Variants in DYNC2H1 observed in about 807,000 individuals in gnomAD.
The protein encoded by DYNC2H1 is cytoplasmic dynein 2 heavy chain 1.
Under a neutral mutation model 570.0 loss-of-function variants are expected in DYNC2H1, and 410 were observed. That is an observed-to-expected ratio of 0.72 (90% CI 0.66 to 0.78). The LOEUF is 0.78. Among genes scored for constraint, DYNC2H1 ranks in the 30% least tolerant of loss-of-function variants. The probability of loss-of-function intolerance (pLI) is 0.00; values close to 1 mark genes in which losing one functional copy is unlikely to be tolerated. For synonymous variants in DYNC2H1, 1,688 were observed against 1,677.6 expected (o/e 1.01, Z -0.15); for missense variants, 4,865 against 5,046.4 (o/e 0.96, Z 1.09).
intron 17 of DYNC2H1, among the ~76,000 whole-genome samples, chr11:103,140,169 A>T (rs374553424): frequency 6.6e-6 from 1 of 152,094 alleles, no homozygotes; most frequent in Non-Finnish European, 1.5e-5. Flanking sequence ...TCTTTATCCA[A>T]TTTGCCAGTC....
intron 46 of DYNC2H1, among the ~76,000 whole-genome samples, 200 bp from the exon 47 acceptor site, chr11:103,191,897 G>A (rs1862331050): frequency 6.6e-6 from 1 of 151,994 alleles, no homozygotes; most frequent in South Asian, 2.1e-4. Context: ...AGAGATGATA[G>A]TATTTAATGT....
chr11:103,290,012 G>C (rs1483895054), intron 75 of DYNC2H1, among the ~76,000 whole-genome samples: 2 of 151,816 alleles, frequency 1.3e-5, no homozygotes, highest in Non-Finnish European at 2.9e-5. Context: ...TCAACCACGA[G>C]AACCTAGGAA....
Position 103,177,610 on chromosome 11 carries a change from A to G in DYNC2H1, c.5929A>G (p.Ile1977Val), listed in dbSNP as rs780945161. 7 of 1,613,172 alleles carry G rather than the reference A, an allele frequency of 4.3e-6. No individual in the cohort carries two copies. The highest frequency in any genetic ancestry group is 5.9e-6 in the Non-Finnish European group (7 of 1,179,592). The change falls in exon 38 of 89, where the codon ATT (isoleucine) becomes GTT (valine). Residue 1977 changes from isoleucine to valine, a missense_variant. By Grantham distance (29) the Ile-to-Val change is conservative. Transcript: ENST00000375735. The surrounding 1 kb of genome is among the most constrained non-coding windows in gnomAD (Gnocchi z 4.4). Reference sequence around the variant, plus strand: ...GTTATGCCAGAGGATGGGAGTTGTTATTGTTGGTCCAAGTGGTGCTGGAAA... The same window carrying G: ...GTTATGCCAGAGGATGGGAGTTGTTGTTGTTGGTCCAAGTGGTGCTGGAAA... ...EQLCQRMGVV[I>V]VGPSGAGKST...
intron 50 of DYNC2H1, among the ~76,000 whole-genome samples, chr11:103,200,691 A>G (rs776398679): frequency 2.0e-5 from 3 of 152,224 alleles, no homozygotes; most frequent in Non-Finnish European, 2.9e-5. Context: ...GAAATTCCAC[A>G]TAATGCTACA....
chr11:103,203,591 A>G lies in DYNC2H1; in HGVS notation c.8198-72A>G. ...GGAAATAAAGATTGAATAAGAGCAG[A>G]TTTTTAAATACAAAAATTGAAAAAG... On this transcript the variant is annotated intron_variant, in intron 50 of 88. Transcript: ENST00000375735. The surrounding 1 kb of genome is among the most constrained non-coding windows in gnomAD (Gnocchi z 4.7). 1.0e-6 allele frequency: 1 copy of G among 1,001,122 alleles called. No individual in the cohort carries two copies. The allele number at this position is 1,001,122 out of a possible 1,614,324, so 62.0% of individuals were successfully genotyped here.
chr11:103,291,448 TA>T (rs1413879630), intron 75 of DYNC2H1, among the ~76,000 whole-genome samples: 2 of 151,990 alleles, frequency 1.3e-5, no homozygotes, highest in Non-Finnish European at 2.9e-5. Flanking sequence ...AATAAATAAA[TA>T]AATAAATAAA....
At chr11:103,295,794 C>T (rs1197099531) in intron 75 of DYNC2H1, among the ~76,000 whole-genome samples, 1 of 152,164 alleles carries the variant, frequency 6.6e-6, no homozygotes, top group African/African-American at 2.4e-5. Context: ...GCTTTCACAC[C>T]ACTGTAATCC....
At chr11:103,399,566 A>G (rs560502864) in intron 83 of DYNC2H1, 97 bp from the exon 84 acceptor site, 3 of 838,346 alleles carry the variant, frequency 3.6e-6, no homozygotes, top group Admixed American at 3.0e-5. Context: ...AGTTTTTAAA[A>G]CAGAATAGAA....
chr11:103,385,893 T>C (rs1363768487), intron 83 of DYNC2H1, among the ~76,000 whole-genome samples: 7 of 152,182 alleles, frequency 4.6e-5, no homozygotes, highest in Non-Finnish European at 2.9e-5. Flanking sequence ...TCTACTTGAA[T>C]AGGATAATTG....
chr11:103,477,975 A>G (rs986730784), intron 88 of DYNC2H1, among the ~76,000 whole-genome samples: 1 of 152,030 alleles, frequency 6.6e-6, no homozygotes, highest in African/African-American at 2.4e-5. Flanking sequence ...ATGAACTTGT[A>G]TAATAATACC....
chr11:103,187,560 A>G lies in DYNC2H1; in HGVS notation c.7114A>G (p.Ser2372Gly). The change falls in exon 43 of 89, where the codon AGT (serine) becomes GGT (glycine). Residue 2372 changes from serine (S) to glycine (G), a missense_variant. Transcript: ENST00000375735. ...NLPKLDKWGT[S>G]TLVAFLQQVL... ...ACCTAAACTTGATAAATGGGGGACCAGTACTTTGGTAGCATTCCTACAACA... is the reference window on the plus strand; with the variant it reads ...ACCTAAACTTGATAAATGGGGGACCGGTACTTTGGTAGCATTCCTACAACA... 1 of 1,613,130 alleles carries G rather than the reference A, an allele frequency of 6.2e-7. No individual in the cohort carries two copies. The highest frequency in any genetic ancestry group is 8.5e-7 in the Non-Finnish European group (1 of 1,179,356).
chr11:103,112,919 T>A (rs1268069951), intron 1 of DYNC2H1, among the ~76,000 whole-genome samples: 3 of 152,246 alleles, frequency 2.0e-5, no homozygotes, highest in African/African-American at 7.2e-5. Context: ...TGAGTTCATC[T>A]GGTTCCGATT....
At chr11:103,327,250 G>T (rs1938546902) in intron 82 of DYNC2H1, among the ~76,000 whole-genome samples, 1 of 151,884 alleles carries the variant, frequency 6.6e-6, no homozygotes, top group African/African-American at 2.4e-5. Flanking sequence ...CAGTGGGAAT[G>T]GTTCTTCCTG....
chr11:103,394,590 T>C (rs1942312209), intron 83 of DYNC2H1, among the ~76,000 whole-genome samples: 1 of 151,882 alleles, frequency 6.6e-6, no homozygotes, highest in Non-Finnish European at 1.5e-5. Context: ...ATTATGAGTT[T>C]GGTGAGTTCA....
chr11:103,196,634 A>G (rs981640695), intron 47 of DYNC2H1, among the ~76,000 whole-genome samples: 3 of 152,158 alleles, frequency 2.0e-5, no homozygotes, highest in East Asian at 3.8e-4. Flanking sequence ...GAATTAAAAG[A>G]CTAGAAGGCT....
rs562667900 is a variant in DYNC2H1, at chr11:103,186,095, G to A, written c.6634-147G>A. 28 of 740,050 alleles carry A rather than the reference G, an allele frequency of 3.8e-5. No homozygotes were observed. The African/African-American group carries it at 3.9e-4, about 10-fold the overall frequency. 45.8% of individuals were successfully genotyped at this position (740,050 alleles called of 1,614,324 possible). A position where few individuals can be genotyped will look rare whatever the true frequency, so the allele number is the denominator to read the frequency against. ...TAGAGAAAAATATTTGAGATAAAAT[G>A]TTACATTAATGATAAAATAGGTTTA... On this transcript the variant is annotated intron_variant, in intron 41 of 88. Transcript: ENST00000375735. The surrounding 1 kb of genome is among the most constrained non-coding windows in gnomAD (Gnocchi z 4.5).
rs1453928085 is a variant in DYNC2H1, at chr11:103,176,450, A to G, written c.5874+16A>G. The G allele has an allele frequency of 2.0e-6, 3 of 1,464,100 alleles. No individual in the cohort carries two copies. Among genetic ancestry groups the G allele is most frequent in the East Asian group, 5.3e-5 (2 of 38,072 alleles). The allele number at this position is 1,464,100 out of a possible 1,614,324, so 90.7% of individuals were successfully genotyped here. ...ACCCAATCAGGTAACTGTCAAGAAT[A>G]TTTTATAATAGATTGATCCCTTTTC... On this transcript the variant is annotated intron_variant, in intron 37 of 88. Transcript: ENST00000375735.
rs775615484 is a variant in DYNC2H1 at position 103,253,441 on chromosome 11, G to A, written c.10199G>A (p.Arg3400Gln). ...VNFTTTRSGL[R>Q]GQLLALTIQH... is the part of the protein sequence containing the mutation. ...TTTACTACAACAAGAAGTGGATTAC[G>A]AGGGCAGGTATACATAGATAATAAT... The change falls in exon 66 of 89, where the codon CGA (arginine) becomes CAA (glutamine). Residue 3400 changes from arginine to glutamine, a missense_variant. This residue lies in a region of DYNC2H1 where 2,401 missense variants were observed against 2,454.6 expected (regional missense o/e 0.98). Transcript: ENST00000375735. 255 of 1,612,074 alleles carry A rather than the reference G, an allele frequency of 1.6e-4. 1 individual carries two copies. The highest frequency in any genetic ancestry group is 9.9e-4 in the Middle Eastern group (6 of 6,078).
In DYNC2H1 at chr11:103,274,865, C is replaced by T. The variant is rs576120989; in HGVS notation, c.10696-5483C>T. Among the ~76,000 whole-genome samples, 197 of 152,138 alleles carry T rather than the reference C, an allele frequency of 1.3e-3. 2 individuals are homozygous for T. Among genetic ancestry groups the T allele is most frequent in the African/African-American group, 4.3e-3 (180 of 41,510 alleles). On this transcript the variant is annotated intron_variant, in intron 70 of 88. Transcript: ENST00000375735. ...ATCCCAACACTTTGGGAGGCTGAGG[C>T]GGGCGGAAGACCTGAGGTCAGGAGT...
Sources: gnomAD v4.1 joint callset for allele counts (sites outside exome capture counted in the v4.1 genomes callset) on GRCh38, gnomAD v4.1.1 for gene constraint, gnomAD v4.1.1 regional missense constraint, Gnocchi (gnomAD v3.1) non-coding constraint, MANE v1.5 for transcripts, NCBI Gene and HGNC (gene_info 2026-07-23, HGNC 2026-07-21) for gene names.